The following GALNT18 variants were observed in gnomAD, a reference collection of about 807,000 sequenced individuals.
GALNT18 encodes GalNAc-transferase 18.
In GALNT18, 44 loss-of-function variants were observed where a neutral mutation model predicts 69.5. The observed-to-expected ratio is 0.63, with a 90% confidence interval of 0.50 to 0.81. The LOEUF is 0.81. GALNT18 is among the 40% of genes least tolerant of loss of function. The pLI is 0.00. For synonymous variants in GALNT18, 364 were observed against 318.2 expected (o/e 1.14, Z -1.53); for missense variants, 715 against 810.0 (o/e 0.88, Z 1.42).
chr11:11,522,899 C>A (rs1057250070), intron 1 of GALNT18, among the ~76,000 whole-genome samples: 1 of 152,122 alleles, frequency 6.6e-6, no homozygotes, highest in African/African-American at 2.4e-5. Context: ...TTACAGTCTC[C>A]CCACCCTTAC....
At chr11:11,539,267 G>T (rs1857854197) in intron 1 of GALNT18, among the ~76,000 whole-genome samples, 1 of 152,006 alleles carries the variant, frequency 6.6e-6, no homozygotes, top group African/African-American at 2.4e-5. Context: ...ATGGCTAGTA[G>T]CCTTGAAGCC....
At chr11:11,292,786 T>C (rs1039782716) in intron 10 of GALNT18, among the ~76,000 whole-genome samples, 2 of 152,010 alleles carry the variant, frequency 1.3e-5, no homozygotes, top group East Asian at 1.9e-4. Context: ...ACAACAACAA[T>C]AATAATAAAC....
In GALNT18 at chr11:11,541,708, C is replaced by T. The variant is rs552011963; in HGVS notation, c.235+79651G>A. On this transcript the variant is annotated intron_variant, in intron 1 of 10. Coordinates refer to ENST00000227756, the MANE Select transcript of GALNT18 (RefSeq NM_198516.3). This position sits in a 1 kb window ranked among gnomAD's most constrained non-coding sequence, Gnocchi z 4.8. Reference sequence around the variant, plus strand: ...TCCCAGCCCCCACACCTCTATTGCCCCAAAGCGTCGCTAGTAGCCTTGGGG... The same window carrying T: ...TCCCAGCCCCCACACCTCTATTGCCTCAAAGCGTCGCTAGTAGCCTTGGGG... Among the ~76,000 whole-genome samples the T allele has an allele frequency of 2.9e-4, 44 of 152,268 alleles. No individual in the cohort carries two copies. Among genetic ancestry groups the T allele is most frequent in the African/African-American group, 1.0e-3 (43 of 41,542 alleles).
At chr11:11,371,993 A>T (rs1850918421) in intron 6 of GALNT18, among the ~76,000 whole-genome samples, 2 of 152,136 alleles carry the variant, frequency 1.3e-5, no homozygotes, top group African/African-American at 4.8e-5. Context: ...TCTGGCTAGC[A>T]CCTGGGATCA....
rs1854840523 is a variant in GALNT18, at chr11:11,415,752, T to A, written c.595+16869A>T. Among the ~76,000 whole-genome samples the A allele has an allele frequency of 6.6e-6, 1 of 152,154 alleles. No homozygotes were observed. The highest frequency in any genetic ancestry group is 2.4e-5 in the African/African-American group (1 of 41,446). On this transcript the variant is annotated intron_variant, in intron 3 of 10. Transcript: ENST00000227756. This position sits in a 1 kb window ranked among gnomAD's most constrained non-coding sequence, Gnocchi z 4.1. Reference sequence around the variant, plus strand: ...GTCTTCCCACCCATGCATCCATGCATCCATCCACCCATCTCATTTGCAAAG... The same window carrying A: ...GTCTTCCCACCCATGCATCCATGCAACCATCCACCCATCTCATTTGCAAAG...
At chr11:11,296,173 G>A (rs1590017990) in intron 9 of GALNT18, among the ~76,000 whole-genome samples, 1 of 152,174 alleles carries the variant, frequency 6.6e-6, no homozygotes, top group Non-Finnish European at 1.5e-5. Flanking sequence ...CTGTCCTGGA[G>A]AAGCCATGCC....
chr11:11,353,194 G>A (rs992881230), intron 6 of GALNT18: 2 of 1,586,114 alleles, frequency 1.3e-6, no homozygotes, highest in South Asian at 2.2e-5. Context: ...AAGCAGCTTG[G>A]GGGTAAGACC....
Position 11,444,806 on chromosome 11 carries a change from G to T in GALNT18, c.428+3938C>A, listed in dbSNP as rs1855610361. On this transcript the variant is annotated intron_variant, in intron 2 of 10. Coordinates refer to ENST00000227756, the MANE Select transcript of GALNT18 (RefSeq NM_198516.3). This position sits in a 1 kb window ranked among gnomAD's most constrained non-coding sequence, Gnocchi z 4.4. ...AAGAGCCAAGAATACCAAGAGCAAAGTGTGGAATACAAGCAGCAGGAACAG... is the reference window on the plus strand; with the variant it reads ...AAGAGCCAAGAATACCAAGAGCAAATTGTGGAATACAAGCAGCAGGAACAG... 6.6e-6 allele frequency among the ~76,000 whole-genome samples: 1 copy of T among 152,206 alleles called. No homozygotes were observed. Among genetic ancestry groups the T allele is most frequent in the Non-Finnish European group, 1.5e-5 (1 of 68,052 alleles).
intron 10 of GALNT18, among the ~76,000 whole-genome samples, chr11:11,277,257 GGAATT>G (rs1267708608): frequency 4.6e-5 from 7 of 152,088 alleles, no homozygotes; most frequent in African/African-American, 1.2e-4. Flanking sequence ...TATGTGTCCA[GGAATT>G]TATCCATTTC....
chr11:11,553,522 G>A (rs144426197), intron 1 of GALNT18, among the ~76,000 whole-genome samples: 163 of 152,154 alleles, frequency 1.1e-3, no homozygotes, highest in African/African-American at 3.8e-3. Flanking sequence ...CAGGCCAGAA[G>A]GAATCCAAGA....
chr11:11,367,431 A>G (rs7937619), intron 6 of GALNT18, among the ~76,000 whole-genome samples: 1 of 152,176 alleles, frequency 6.6e-6, no homozygotes, highest in Non-Finnish European at 1.5e-5. Flanking sequence ...TGACTTGCAG[A>G]TATGTTCAAG....
At chr11:11,369,350 C>T (rs542636975) in intron 6 of GALNT18, among the ~76,000 whole-genome samples, 8 of 152,290 alleles carry the variant, frequency 5.3e-5, no homozygotes, top group African/African-American at 1.4e-4. Context: ...TTCCAGCTTT[C>T]GATAGCCCCA....
intron 7 of GALNT18, among the ~76,000 whole-genome samples, chr11:11,334,048 G>C (rs73419703): frequency 0.043 from 6,506 of 152,126 alleles, 280 homozygotes; most frequent in African/African-American, 0.11. Context: ...AGATGAAGAA[G>C]TGGAACTCTC....
At chr11:11,548,662 C>T (rs1408741169) in intron 1 of GALNT18, among the ~76,000 whole-genome samples, 1 of 152,220 alleles carries the variant, frequency 6.6e-6, no homozygotes, top group African/African-American at 2.4e-5. Flanking sequence ...TAAACAAGTT[C>T]TGAATGCAGT....
At chr11:11,517,615 T>C (rs1857309643) in intron 1 of GALNT18, among the ~76,000 whole-genome samples, 2 of 152,156 alleles carry the variant, frequency 1.3e-5, no homozygotes, top group African/African-American at 4.8e-5. Flanking sequence ...ATCTGGCCTG[T>C]TCTAAATAAT....
In GALNT18 at chr11:11,377,942, C is replaced by T. The variant is rs192895377; in HGVS notation, c.780-563G>A. On this transcript the variant is annotated intron_variant, in intron 4 of 10. Coordinates refer to ENST00000227756, the MANE Select transcript of GALNT18 (RefSeq NM_198516.3). The surrounding 1 kb of genome is among the most constrained non-coding windows in gnomAD (Gnocchi z 4.6). ...AGGAGGGGTGGGGCATTTGGGCTTT[C>T]CCAGGGAGCTGGGAGACCCTTGAAG... Among the ~76,000 whole-genome samples, 5 of 152,284 alleles carry T rather than the reference C, an allele frequency of 3.3e-5. No individual in the cohort carries two copies. In the East Asian group the frequency reaches 9.7e-4, roughly 30 times the overall value.
At chr11:11,307,526 C>T (rs920808372) in intron 9 of GALNT18, among the ~76,000 whole-genome samples, 1 of 152,134 alleles carries the variant, frequency 6.6e-6, no homozygotes, top group African/African-American at 2.4e-5. Flanking sequence ...AACAGGAAAA[C>T]TGGCAGAGCT....
In GALNT18 at chr11:11,601,956, A is replaced by G. The variant is rs1209261730; in HGVS notation, c.235+19403T>C. On this transcript the variant is annotated intron_variant, in intron 1 of 10. Coordinates refer to ENST00000227756, the MANE Select transcript of GALNT18 (RefSeq NM_198516.3). This position sits in a 1 kb window ranked among gnomAD's most constrained non-coding sequence, Gnocchi z 4.0. The stretch of plus-strand genomic sequence containing the variant: ...CTGTGCTAGGTCGTCTAGCTGGCCT[A>G]CTCTGTTTGTTTTGTTGCTATTATG... Among the ~76,000 whole-genome samples the G allele has an allele frequency of 6.6e-6, 1 of 151,992 alleles. No individual in the cohort carries two copies. The highest frequency in any genetic ancestry group is 1.5e-5 in the Non-Finnish European group (1 of 68,000).
chr11:11,496,943 C>T lies in GALNT18; in HGVS notation c.236-48007G>A, dbSNP rs1856876052. ...TCACTTAAAATGCAGCAACTGCCTC[C>T]CTTCTCACCTGGTAGAGCACCCAAA... On this transcript the variant is annotated intron_variant, in intron 1 of 10. Transcript: ENST00000227756. This position sits in a 1 kb window ranked among gnomAD's most constrained non-coding sequence, Gnocchi z 4.0. 6.6e-6 allele frequency among the ~76,000 whole-genome samples: 1 copy of T among 152,162 alleles called. No homozygotes were observed.
Sources: gnomAD v4.1 joint callset for allele counts (sites outside exome capture counted in the v4.1 genomes callset) on GRCh38, gnomAD v4.1.1 for gene constraint, Gnocchi (gnomAD v3.1) non-coding constraint, MANE v1.5 for transcripts, NCBI Gene and HGNC (gene_info 2026-07-23, HGNC 2026-07-21) for gene names.